LAMA2: variants seen among roughly 807,000 people sequenced by gnomAD.
LAMA2 encodes laminin subunit alpha-2.
In LAMA2, 269 loss-of-function variants were observed where a neutral mutation model predicts 364.8. That is an observed-to-expected ratio of 0.74 (90% CI 0.67 to 0.82). LAMA2 has a LOEUF of 0.82. Ranked by LOEUF, LAMA2 falls within the 40% of genes least tolerant of loss-of-function variation. The pLI is 0.00. For synonymous variants in LAMA2, 1,379 were observed against 1,370.6 expected (o/e 1.01, Z -0.14); for missense variants, 3,807 against 3,873.2 (o/e 0.98, Z 0.45).
At chr6:129,223,521 A>G (rs949559548) in intron 12 of LAMA2, among the ~76,000 whole-genome samples, 1 of 152,170 alleles carries the variant, frequency 6.6e-6, no homozygotes, top group African/African-American at 2.4e-5. Flanking sequence ...ATTTTTGTAT[A>G]AGGTGTAAGG....
chr6:129,071,763 T>G (rs1038485306), intron 3 of LAMA2, among the ~76,000 whole-genome samples: 2 of 152,168 alleles, frequency 1.3e-5, no homozygotes, highest in Non-Finnish European at 2.9e-5. Context: ...TCCACTATGG[T>G]CAGTGTATTT....
intron 8 of LAMA2, among the ~76,000 whole-genome samples, chr6:129,159,417 G>A (rs766340388): frequency 2.0e-5 from 3 of 152,156 alleles, no homozygotes; most frequent in Non-Finnish European, 4.4e-5. Flanking sequence ...CGGGCTCCTT[G>A]CCAGCGTGCC....
At chr6:129,313,587 C>T (rs899033421) in intron 23 of LAMA2, among the ~76,000 whole-genome samples, 1 of 152,204 alleles carries the variant, frequency 6.6e-6, no homozygotes, top group Non-Finnish European at 1.5e-5. Context: ...TCATTACAAA[C>T]AGTGACTATG....
rs150212532 is a variant in LAMA2 at position 129,190,534 on chromosome 6, T to C, written c.1608+189T>C. On this transcript the variant is annotated intron_variant, in intron 11 of 64. Coordinates refer to ENST00000421865, the MANE Select transcript of LAMA2 (RefSeq NM_000426.4). ...AGCCTTTGAGGTTGTATTTGTAATATTGTGTAGACTGGAATTTCTTAGAAT... is the reference window on the plus strand; with the variant it reads ...AGCCTTTGAGGTTGTATTTGTAATACTGTGTAGACTGGAATTTCTTAGAAT... Among the ~76,000 whole-genome samples, 29 of 152,338 alleles carry C rather than the reference T, an allele frequency of 1.9e-4. No individual in the cohort carries two copies. The East Asian group carries it at 5.0e-3, about 26-fold the overall frequency.
Position 129,349,410 on chromosome 6 carries a change from A to T in LAMA2, c.4523+26A>T. On this transcript the variant is annotated intron_variant, in intron 31 of 64. Transcript: ENST00000421865. ...GTACCAACAGCCATGAAACGTACAG[A>T]GTAATGATATGTAGGGACTATATGG... 2.0e-6 allele frequency: 3 copies of T among 1,534,148 alleles called. No individual in the cohort carries two copies. The South Asian group carries it at 3.4e-5, about 17-fold the overall frequency.
At chr6:129,185,722 ACTAGT>A (rs1388971246) in intron 10 of LAMA2, among the ~76,000 whole-genome samples, 6 of 151,862 alleles carry the variant, frequency 4.0e-5, no homozygotes, top group African/African-American at 1.2e-4. Flanking sequence ...GATTGAAAAC[ACTAGT>A]CTAAAGTGAA....
intron 3 of LAMA2, among the ~76,000 whole-genome samples, chr6:129,068,158 T>G (rs1773060516): frequency 6.6e-6 from 1 of 152,244 alleles, no homozygotes; most frequent in Non-Finnish European, 1.5e-5. Flanking sequence ...AATGAATAAC[T>G]AGTACAAACC....
intron 14 of LAMA2, 128 bp downstream of exon 14, chr6:129,252,423 A>T (rs914606268): frequency 7.4e-5 from 51 of 692,582 alleles, no homozygotes; most frequent in Non-Finnish European, 1.2e-4. Flanking sequence ...ATAAGAACGG[A>T]GCCCTAGTTT....
At chr6:129,194,593 A>G (rs890450098) in intron 12 of LAMA2, among the ~76,000 whole-genome samples, 3 of 152,210 alleles carry the variant, frequency 2.0e-5, no homozygotes, top group Non-Finnish European at 4.4e-5. Flanking sequence ...TCTTGCCTGT[A>G]CTGCCGTTTC....
intron 42 of LAMA2, among the ~76,000 whole-genome samples, chr6:129,439,132 G>T (rs1046751412): frequency 1.3e-5 from 2 of 151,518 alleles, no homozygotes; most frequent in African/African-American, 2.4e-5. Flanking sequence ...CATAGTATTT[G>T]CATATAACCT....
chr6:129,324,864 TG>T (rs1775179205), intron 28 of LAMA2, among the ~76,000 whole-genome samples: 1 of 152,222 alleles, frequency 6.6e-6, no homozygotes, highest in East Asian at 1.9e-4. Context: ...CAGCAGCACA[TG>T]ACTGTACAAT....
At chr6:129,135,136 C>G (rs1203596510) in intron 4 of LAMA2, among the ~76,000 whole-genome samples, 7 of 152,238 alleles carry the variant, frequency 4.6e-5, no homozygotes, top group African/African-American at 1.7e-4. Flanking sequence ...AAGCCAAGAT[C>G]TGCAGAAAAT....
intron 51 of LAMA2, among the ~76,000 whole-genome samples, chr6:129,465,602 C>G (rs937220460): frequency 2.6e-5 from 4 of 151,854 alleles, no homozygotes; most frequent in African/African-American, 9.7e-5. Flanking sequence ...TCTTTTCTCC[C>G]TATTTTGTCA....
intron 44 of LAMA2, among the ~76,000 whole-genome samples, chr6:129,443,707 G>A (rs1335304292): frequency 6.6e-6 from 1 of 152,016 alleles, no homozygotes. Context: ...CAACTACTGG[G>A]ATATCAAAAT....
Position 129,226,889 on chromosome 6 carries a change from G to A in LAMA2, c.1783-23223G>A, listed in dbSNP as rs567294996. 2.4e-3 allele frequency among the ~76,000 whole-genome samples: 366 copies of A among 152,182 alleles called. 1 individual carries two copies. The highest frequency in any genetic ancestry group is 4.4e-3 in the Admixed American group (67 of 15,280). On this transcript the variant is annotated intron_variant, in intron 12 of 64. Coordinates refer to ENST00000421865, the MANE Select transcript of LAMA2 (RefSeq NM_000426.4). ...TTTGAATGTTGGCCTGCCTTGCTAG[G>A]TTGGGGAAGTTCTCCTGGATAATAT...
intron 12 of LAMA2, among the ~76,000 whole-genome samples, chr6:129,234,129 C>T (rs796929519): frequency 1.5e-4 from 23 of 151,956 alleles, no homozygotes; most frequent in African/African-American, 4.6e-4. Context: ...GCTTTGGAGA[C>T]GTAAAGGGAA....
chr6:129,448,865 TTTC>T (rs1334476012), intron 45 of LAMA2, among the ~76,000 whole-genome samples: 4 of 152,204 alleles, frequency 2.6e-5, no homozygotes, highest in Non-Finnish European at 5.9e-5. Flanking sequence ...ATTTCAGAAA[TTTC>T]TTTCCTCTTA....
intron 55 of LAMA2, 45 bp from the exon 56 acceptor site, chr6:129,486,429 A>C (rs1784587221): frequency 6.3e-7 from 1 of 1,596,776 alleles, no homozygotes; most frequent in Admixed American, 1.7e-5. Flanking sequence ...GCTAAGCCAT[A>C]AATGAGACTT....
At chr6:129,110,256 A>G (rs1352896670) in intron 4 of LAMA2, among the ~76,000 whole-genome samples, 1 of 152,078 alleles carries the variant, frequency 6.6e-6, no homozygotes, top group Admixed American at 6.6e-5. Context: ...AACAATATTT[A>G]TTCTCTACAT....
Sources: gnomAD v4.1 joint callset for allele counts (sites outside exome capture counted in the v4.1 genomes callset) on GRCh38, gnomAD v4.1.1 for gene constraint, MANE v1.5 for transcripts, NCBI Gene and HGNC (gene_info 2026-07-23, HGNC 2026-07-21) for gene names.